AEBP2: variants seen among roughly 807,000 people sequenced by gnomAD.
AEBP2 encodes zinc finger protein AEBP2.
AEBP2 carries 10 observed loss-of-function variants against 50.8 expected under a neutral mutation model. That is an observed-to-expected ratio of 0.20 (90% confidence interval 0.12 to 0.33). AEBP2 has a LOEUF of 0.33. AEBP2 is among the 10% of genes least tolerant of loss of function. The pLI, the probability that AEBP2 is intolerant of heterozygous loss-of-function variation, is 1.00. For missense variants in AEBP2, 570 were observed against 688.0 expected (o/e 0.83, Z 1.92); for synonymous variants, 296 against 261.3 (o/e 1.13, Z -1.28).
chr12:19,451,145 CCCTTTT>C (rs1318419951), intron 1 of AEBP2, among the ~76,000 whole-genome samples: 2 of 152,122 alleles, frequency 1.3e-5, no homozygotes, highest in African/African-American at 4.8e-5. Context: ...TGCATGACAG[CCCTTTT>C]CCAACATTTA....
chr12:19,485,884 A>G (rs1455199216), intron 3 of AEBP2, among the ~76,000 whole-genome samples: 6 of 151,510 alleles, frequency 4.0e-5, no homozygotes. Flanking sequence ...AGGATAGTAG[A>G]AGATGAGTGG....
At chr12:19,494,184 A>G (rs1249255435) in intron 4 of AEBP2, among the ~76,000 whole-genome samples, 198 bp downstream of exon 4, 2 of 152,224 alleles carry the variant, frequency 1.3e-5, no homozygotes, top group Non-Finnish European at 2.9e-5. Flanking sequence ...GCCTTCAAAT[A>G]TAAACTGTAT....
intron 7 of AEBP2, among the ~76,000 whole-genome samples, chr12:19,515,358 T>C (rs1307899854): frequency 1.3e-5 from 2 of 152,320 alleles, no homozygotes; most frequent in East Asian, 1.9e-4. Flanking sequence ...TGCTAGGTGC[T>C]TTGCGTATAC....
Position 19,494,894 on chromosome 12 carries a change from G to C in AEBP2, c.1174+908G>C, listed in dbSNP as rs188850250. 8.9e-4 allele frequency among the ~76,000 whole-genome samples: 135 copies of C among 152,114 alleles called. 1 individual carries two copies. The highest frequency in any genetic ancestry group is 3.4e-3 in the Middle Eastern group (1 of 294). ...CTTCTTTGTGTCAGCTGGTTAGTTT[G>C]TGGCTTTATTTTATTATTATTATTA... On this transcript the variant is annotated intron_variant, in intron 4 of 7. Coordinates refer to ENST00000266508, the MANE Select transcript of AEBP2 (RefSeq NM_153207.5).
intron 1 of AEBP2, among the ~76,000 whole-genome samples, chr12:19,422,228 T>C (rs897589623): frequency 1.3e-5 from 2 of 152,190 alleles, no homozygotes; most frequent in African/African-American, 4.8e-5. Context: ...TGTTGTTATA[T>C]TGCCTTTGTT....
chr12:19,405,299 G>T lies in AEBP2; in HGVS notation c.-17+1083G>T, dbSNP rs113237775. On this transcript the variant is annotated intron_variant, in intron 1 of 3. Transcript: ENST00000538425. The stretch of plus-strand genomic sequence containing the variant: ...TTATTTACTTCTCAGCACTAGCTAG[G>T]TATCTGGAATTGTTATTTTTATTTT... 2.9e-3 allele frequency among the ~76,000 whole-genome samples: 438 copies of T among 151,752 alleles called. 1 individual carries two copies. Among genetic ancestry groups the T allele is most frequent in the African/African-American group, 0.01 (422 of 41,420 alleles).
chr12:19,499,846 G>T (rs914329880), intron 4 of AEBP2, among the ~76,000 whole-genome samples: 1 of 152,190 alleles, frequency 6.6e-6, no homozygotes, highest in Non-Finnish European at 1.5e-5. Flanking sequence ...AAGTAGCTGA[G>T]ATGTGGAATC....
At chr12:19,440,802 T>G (rs1947943442) in intron 1 of AEBP2, 1 of 1,519,076 alleles carries the variant, frequency 6.6e-7, no homozygotes, top group Non-Finnish European at 8.8e-7. Flanking sequence ...ATGGCTGGTC[T>G]CGCCTGGATT....
intron 7 of AEBP2, among the ~76,000 whole-genome samples, chr12:19,516,652 T>C (rs1949322872): frequency 6.6e-6 from 1 of 152,208 alleles, no homozygotes; most frequent in Admixed American, 6.5e-5. Context: ...ACAAGTCTTG[T>C]TGATTTTATT....
chr12:19,411,042 C>T (rs1160956305), intron 1 of AEBP2, among the ~76,000 whole-genome samples: 2 of 151,542 alleles, frequency 1.3e-5, no homozygotes, highest in Non-Finnish European at 1.5e-5. Flanking sequence ...GGCTGTGAGG[C>T]GGTCACGGCA....
At chr12:19,510,968 A>T (rs1350311904) in intron 5 of AEBP2, among the ~76,000 whole-genome samples, 2 of 147,186 alleles carry the variant, frequency 1.4e-5, no homozygotes, top group East Asian at 4.0e-4. Flanking sequence ...CAGCCTCCCA[A>T]GTAGCTGGGA....
Position 19,405,702 on chromosome 12 carries a change from G to T in AEBP2, c.-17+1486G>T, listed in dbSNP as rs558000461. On this transcript the variant is annotated intron_variant, in intron 1 of 3. Transcript: ENST00000538425. ...GGATGGTAGAGAGGTGGGAGGACTG[G>T]CAGGCCCCTAACAGGGGTTCCTGCT... Among the ~76,000 whole-genome samples, 62 of 152,290 alleles carry T rather than the reference G, an allele frequency of 4.1e-4. No individual in the cohort carries two copies. In the South Asian group the frequency reaches 0.012, roughly 31 times the overall value.
intron 6 of AEBP2, among the ~76,000 whole-genome samples, 200 bp downstream of exon 6, chr12:19,512,665 C>T (rs1298665362): frequency 1.3e-5 from 2 of 149,248 alleles, no homozygotes; most frequent in East Asian, 3.9e-4. Flanking sequence ...CTTAAGCCCC[C>T]CCTCTTTTTT....
At chr12:19,437,974 A>G (rs962401710), upstream of AEBP2, among the ~76,000 whole-genome samples, 2 of 152,314 alleles carry the variant, frequency 1.3e-5, no homozygotes, top group South Asian at 2.1e-4. Flanking sequence ...CATCCCTAAA[A>G]TTGGCCTGAA....
At chr12:19,502,643 T>G (rs932139162) in intron 5 of AEBP2, among the ~76,000 whole-genome samples, 2 of 151,376 alleles carry the variant, frequency 1.3e-5, no homozygotes, top group African/African-American at 4.8e-5. Flanking sequence ...ATTGGTCTGT[T>G]TGTCTATTCT....
intron 7 of AEBP2, among the ~76,000 whole-genome samples, chr12:19,517,280 A>T (rs1260529766): frequency 6.6e-6 from 1 of 152,144 alleles, no homozygotes; most frequent in Non-Finnish European, 1.5e-5. Flanking sequence ...CACATGTCAA[A>T]ATGAAAGTAT....
intron 2 of AEBP2, among the ~76,000 whole-genome samples, chr12:19,467,881 T>C (rs532691328): frequency 4.6e-5 from 7 of 152,194 alleles, no homozygotes; most frequent in Admixed American, 1.3e-4. Context: ...TGTTTTTTTG[T>C]TGAGAGGCAA....
intron 1 of AEBP2, among the ~76,000 whole-genome samples, chr12:19,460,098 A>C (rs1400968908): frequency 1.3e-5 from 2 of 152,088 alleles, no homozygotes; most frequent in Non-Finnish European, 2.9e-5. Context: ...AGGCCCGGCT[A>C]CTCAGGAGGC....
chr12:19,492,978 A>T (rs1049358716), intron 3 of AEBP2, among the ~76,000 whole-genome samples: 3 of 152,220 alleles, frequency 2.0e-5, no homozygotes, highest in Non-Finnish European at 2.9e-5. Flanking sequence ...CCTGTCTCAA[A>T]AAAAACAAAA....
Sources: gnomAD v4.1 joint callset for allele counts (sites outside exome capture counted in the v4.1 genomes callset) on GRCh38, gnomAD v4.1.1 for gene constraint, MANE v1.5 for transcripts, NCBI Gene and HGNC (gene_info 2026-07-23, HGNC 2026-07-21) for gene names.